The following UNC79 variants were observed in gnomAD, a reference collection of about 807,000 sequenced individuals.
UNC79 encodes protein unc-79 homolog.
Under a neutral mutation model 283.1 loss-of-function variants are expected in UNC79, and 37 were observed. The observed-to-expected ratio is 0.13, with a 90% CI of 0.10 to 0.17. The LOEUF (loss-of-function observed/expected upper bound fraction) is 0.17, where lower values mean the gene tolerates loss of function less well. Among genes scored for constraint, UNC79 ranks in the 10% least tolerant of loss-of-function variants. The probability of loss-of-function intolerance (pLI) is 1.00; values close to 1 mark genes in which losing one functional copy is unlikely to be tolerated. For missense variants in UNC79, 2,272 were observed against 3,211.1 expected (o/e 0.71, Z 7.07); for synonymous variants, 1,107 against 1,200.2 (o/e 0.92, Z 1.61).
intron 14 of UNC79, among the ~76,000 whole-genome samples, chr14:93,561,547 G>A (rs1169520372): frequency 6.6e-6 from 1 of 152,146 alleles, no homozygotes; most frequent in Non-Finnish European, 1.5e-5. Context: ...TGCAAAGCAA[G>A]CAATTGCTCG....
intron 22 of UNC79, among the ~76,000 whole-genome samples, chr14:93,591,500 G>A (rs927500195): frequency 6.6e-6 from 1 of 152,150 alleles, no homozygotes; most frequent in African/African-American, 2.4e-5. Context: ...AATAAAGTAA[G>A]CCAGAGAAAA....
intron 30 of UNC79, among the ~76,000 whole-genome samples, chr14:93,623,045 G>A (rs2067255211): frequency 6.6e-6 from 1 of 152,248 alleles, no homozygotes; most frequent in Non-Finnish European, 1.5e-5. Context: ...CTCCACAAAT[G>A]TTTCTGTTTT....
intron 1 of UNC79, among the ~76,000 whole-genome samples, chr14:93,359,996 G>A (rs183992699): frequency 6.6e-6 from 1 of 152,286 alleles, no homozygotes; most frequent in East Asian, 1.9e-4. Flanking sequence ...GATTCCAGGG[G>A]ACTCAAAACA....
intron 17 of UNC79, among the ~76,000 whole-genome samples, chr14:93,577,460 G>A (rs1290872253): frequency 1.3e-5 from 2 of 152,214 alleles, no homozygotes; most frequent in African/African-American, 4.8e-5. Context: ...AGGTCAACCT[G>A]AGATTCTGTG....
At chr14:93,567,084 G>T (rs1276273493) in intron 14 of UNC79, among the ~76,000 whole-genome samples, 5 of 152,168 alleles carry the variant, frequency 3.3e-5, no homozygotes, top group African/African-American at 1.2e-4. Flanking sequence ...ACAAGTGGAG[G>T]TTATGAATGG....
chr14:93,566,407 A>T (rs544815796), intron 14 of UNC79, among the ~76,000 whole-genome samples: 4 of 152,228 alleles, frequency 2.6e-5, no homozygotes, highest in Admixed American at 2.6e-4. Context: ...TTAGGCAAAG[A>T]GCGGGAATTG....
chr14:93,605,302 T>C (rs2139636552), intron 26 of UNC79, among the ~76,000 whole-genome samples: 1 of 152,314 alleles, frequency 6.6e-6, no homozygotes, highest in East Asian at 1.9e-4. Flanking sequence ...TTCATACATA[T>C]CTGCTATAGG....
chr14:93,601,089 A>G (rs1444578729), intron 25 of UNC79, among the ~76,000 whole-genome samples: 1 of 152,170 alleles, frequency 6.6e-6, no homozygotes, highest in African/African-American at 2.4e-5. Context: ...GCACCTTGCA[A>G]ACTCACTCTT....
chr14:93,512,217 C>T (rs181889371), intron 7 of UNC79, among the ~76,000 whole-genome samples: 11 of 152,210 alleles, frequency 7.2e-5, no homozygotes, highest in South Asian at 4.1e-4. Context: ...ACTCTTTAAA[C>T]GTATCAATTC....
At chr14:93,705,538 T>A (rs182133364) in intron 48 of UNC79, among the ~76,000 whole-genome samples, 13 of 152,226 alleles carry the variant, frequency 8.5e-5, no homozygotes, top group Non-Finnish European at 1.5e-4. Context: ...ATTTTATATA[T>A]GAAGAAATTT....
intron 31 of UNC79, among the ~76,000 whole-genome samples, chr14:93,636,275 T>C (rs1385657518): frequency 6.6e-6 from 1 of 152,246 alleles, no homozygotes; most frequent in Non-Finnish European, 1.5e-5. Context: ...ATTTATATGC[T>C]GTCTGAATTT....
At chr14:93,380,136 C>T (rs1425811076) in intron 1 of UNC79, among the ~76,000 whole-genome samples, 1 of 152,098 alleles carries the variant, frequency 6.6e-6, no homozygotes, top group East Asian at 1.9e-4. Context: ...GTCAGATTTG[C>T]TCTCCTTATT....
intron 1 of UNC79, among the ~76,000 whole-genome samples, chr14:93,356,889 T>A (rs544700480): frequency 8.5e-5 from 13 of 152,204 alleles, no homozygotes; most frequent in Non-Finnish European, 1.6e-4. Flanking sequence ...TGGGGGTACA[T>A]GTGCAGATTT....
At chr14:93,510,615 G>A (rs2059773142) in intron 7 of UNC79, among the ~76,000 whole-genome samples, 1 of 152,162 alleles carries the variant, frequency 6.6e-6, no homozygotes, top group South Asian at 2.1e-4. Flanking sequence ...GCACAATTCT[G>A]CCATTCTCTT....
At chr14:93,526,485 G>A (rs1021708754) in intron 8 of UNC79, among the ~76,000 whole-genome samples, 1 of 152,080 alleles carries the variant, frequency 6.6e-6, no homozygotes, top group Non-Finnish European at 1.5e-5. Context: ...ACTTATCAGA[G>A]TGTTACTATG....
rs1056228995 is a variant in UNC79, at chr14:93,622,988, C to G, written c.5608+147C>G. On this transcript the variant is annotated intron_variant, in intron 30 of 48. Coordinates refer to ENST00000555664, the Ensembl canonical transcript of UNC79. Reference sequence around the variant, plus strand: ...TAATGGCTTCTCAATCACTCTGAATCCTTCCTGTTTAATGGACAATGTTGG... The same window carrying G: ...TAATGGCTTCTCAATCACTCTGAATGCTTCCTGTTTAATGGACAATGTTGG... The G allele has an allele frequency of 1.7e-5, 19 of 1,106,934 alleles. No individual in the cohort carries two copies. In the African/African-American group the frequency reaches 3.0e-4, roughly 17 times the overall value. The allele number at this position is 1,106,934 out of a possible 1,614,324, so 68.6% of individuals were successfully genotyped here.
intron 7 of UNC79, among the ~76,000 whole-genome samples, chr14:93,511,028 C>G (rs574739370): frequency 6.6e-5 from 10 of 151,964 alleles, no homozygotes; most frequent in Admixed American, 5.2e-4. Context: ...TCTGCGGAGG[C>G]CTCAGGAAAC....
intron 19 of UNC79, among the ~76,000 whole-genome samples, 198 bp downstream of exon 19, chr14:93,580,574 C>T (rs569110060): frequency 5.9e-5 from 9 of 152,300 alleles, no homozygotes; most frequent in South Asian, 4.1e-4. Flanking sequence ...CCACGCTATA[C>T]GGAATTCTAT....
chr14:93,343,150 C>T (rs1287795536), intron 1 of UNC79, among the ~76,000 whole-genome samples: 1 of 152,192 alleles, frequency 6.6e-6, no homozygotes, highest in African/African-American at 2.4e-5. Flanking sequence ...TATAGCAGTA[C>T]CCCACTCCTG....
Sources: gnomAD v4.1 joint callset for allele counts (sites outside exome capture counted in the v4.1 genomes callset) on GRCh38, gnomAD v4.1.1 for gene constraint, MANE v1.5 for transcripts, NCBI Gene and HGNC (gene_info 2026-07-23, HGNC 2026-07-21) for gene names.